Variants in AP3D1 observed in about 807,000 individuals in gnomAD.
The protein encoded by AP3D1 is adaptor related protein complex 3 subunit delta 1.
A neutral mutation model predicts 147.6 loss-of-function variants in AP3D1; 51 were observed. The ratio of observed to expected loss-of-function variants is 0.35; its 90% CI spans 0.28 to 0.44. AP3D1 has a LOEUF of 0.44. AP3D1 is among the 20% of genes least tolerant of loss of function. The probability of loss-of-function intolerance (pLI) is 1.00; values close to 1 mark genes in which losing one functional copy is unlikely to be tolerated. For synonymous variants in AP3D1, 760 were observed against 663.0 expected (o/e 1.15, Z -2.25); for missense variants, 1,421 against 1,624.2 (o/e 0.87, Z 2.15).
At chr19:2,132,863 C>T (rs1475581231) in intron 4 of AP3D1, among the ~76,000 whole-genome samples, 1 of 152,134 alleles carries the variant, frequency 6.6e-6, no homozygotes, top group Non-Finnish European at 1.5e-5. Flanking sequence ...CTGAAACGCT[C>T]TGTGGGTGGG....
intron 25 of AP3D1, 103 bp downstream of exon 25, chr19:2,111,576 A>T (rs1420893933): frequency 7.0e-7 from 1 of 1,423,472 alleles, no homozygotes; most frequent in Non-Finnish European, 9.4e-7. Flanking sequence ...CTTCTTCTCG[A>T]ATCTGCTCAG....
At chr19:2,139,995 A>G (rs564352787) in intron 1 of AP3D1, among the ~76,000 whole-genome samples, 2 of 152,162 alleles carry the variant, frequency 1.3e-5, no homozygotes, top group East Asian at 1.9e-4. Context: ...CAGACACATA[A>G]TATTTTCCTC....
chr19:2,151,139 G>C, intron 1 of AP3D1, 100 bp downstream of exon 1: 2 of 1,184,324 alleles, frequency 1.7e-6, no homozygotes, highest in Non-Finnish European at 2.3e-6. Context: ...CTAAGACAGA[G>C]CCCGGGCGGG....
intron 1 of AP3D1, among the ~76,000 whole-genome samples, chr19:2,158,221 A>G (rs1200576643): frequency 6.6e-6 from 1 of 151,876 alleles, no homozygotes; most frequent in Non-Finnish European, 1.5e-5. Flanking sequence ...ACGCCCGGCT[A>G]ATTTTTTCGT....
chr19:2,139,941 G>T (rs796216784), intron 1 of AP3D1, among the ~76,000 whole-genome samples: 4 of 144,100 alleles, frequency 2.8e-5, no homozygotes, highest in African/African-American at 9.9e-5. Context: ...CCGGGCTGGG[G>T]AAGGAGACAC....
At chr19:2,138,126 G>C (rs570253629) in intron 2 of AP3D1, among the ~76,000 whole-genome samples, 2 of 152,164 alleles carry the variant, frequency 1.3e-5, no homozygotes, top group East Asian at 3.9e-4. Flanking sequence ...AAATAGTTAC[G>C]AGACGAGCAG....
intron 9 of AP3D1, among the ~76,000 whole-genome samples, chr19:2,125,349 CTT>C (rs1364400386): frequency 1.3e-5 from 2 of 152,116 alleles, no homozygotes; most frequent in Non-Finnish European, 2.9e-5. Flanking sequence ...AAGTTTCGCT[CTT>C]GTTGCCCAGG....
At chr19:2,145,015 T>C (rs1421077280) in intron 1 of AP3D1, among the ~76,000 whole-genome samples, 1 of 152,206 alleles carries the variant, frequency 6.6e-6, no homozygotes, top group Non-Finnish European at 1.5e-5. Flanking sequence ...CGTATTGTGC[T>C]GAATCACTGC....
chr19:2,115,735 G>C (rs1337265866), intron 18 of AP3D1, 122 bp from the exon 19 acceptor site: 1 of 1,083,498 alleles, frequency 9.2e-7, no homozygotes, highest in Non-Finnish European at 1.3e-6. Context: ...GGTCCTGCCA[G>C]AGCCCTGGGC....
In AP3D1 at chr19:2,163,641, C is replaced by G. The variant is rs553132077; in HGVS notation, c.-103+715G>C. On this transcript the variant is annotated intron_variant, in intron 1 of 14. Transcript: ENST00000643010. The stretch of plus-strand genomic sequence containing the variant: ...CGTGTGTGGGGAGGTGTCCGGCGTC[C>G]TCCTCCTGGGACGGGATTCGAACCC... 5.3e-5 allele frequency among the ~76,000 whole-genome samples: 8 copies of G among 152,236 alleles called. No individual in the cohort carries two copies. The East Asian group carries it at 9.6e-4, about 18-fold the overall frequency.
chr19:2,141,359 T>C (rs2144530487), intron 1 of AP3D1, among the ~76,000 whole-genome samples: 1 of 152,106 alleles, frequency 6.6e-6, no homozygotes, highest in South Asian at 2.1e-4. Flanking sequence ...GCGTATTTCC[T>C]TTATACACTA....
chr19:2,137,901 T>A, intron 2 of AP3D1, 94 bp from the exon 3 acceptor site: 1 of 1,143,982 alleles, frequency 8.7e-7, no homozygotes. Context: ...CAGCACACGG[T>A]GCTGGAACAG....
At chr19:2,158,685 C>A (rs1008121879) in intron 1 of AP3D1, among the ~76,000 whole-genome samples, 16 of 151,530 alleles carry the variant, frequency 1.1e-4, no homozygotes, top group Non-Finnish European at 2.2e-4. Flanking sequence ...CTTACTGCAA[C>A]CTCCGCCTCC....
At chr19:2,157,286 C>G (rs2019653484) in intron 1 of AP3D1, among the ~76,000 whole-genome samples, 4 of 150,834 alleles carry the variant, frequency 2.7e-5, no homozygotes, top group Admixed American at 2.6e-4. Flanking sequence ...ACTAAAAATA[C>G]AAAAAATTAG....
intron 31 of AP3D1, among the ~76,000 whole-genome samples, chr19:2,103,723 C>A (rs1307983574): frequency 3.3e-5 from 5 of 152,130 alleles, no homozygotes; most frequent in Admixed American, 6.5e-5. Flanking sequence ...GACCTGACCA[C>A]CCACGTCCTC....
intron 10 of AP3D1, 79 bp from the exon 11 acceptor site, chr19:2,123,485 C>G: frequency 6.7e-7 from 1 of 1,483,762 alleles, no homozygotes; most frequent in East Asian, 2.3e-5. Flanking sequence ...CAGATTCAAC[C>G]TCAACCTGGC....
At chr19:2,151,096 A>C (rs1315520298) in intron 1 of AP3D1, 143 bp downstream of exon 1, 17 of 723,288 alleles carry the variant, frequency 2.4e-5, no homozygotes, top group Non-Finnish European at 3.6e-5. Context: ...GGCCCAGGCC[A>C]GGCAGGGCCG....
chr19:2,153,682 A>C (rs1056014215), upstream of AP3D1, among the ~76,000 whole-genome samples: 5 of 152,154 alleles, frequency 3.3e-5, no homozygotes, highest in Non-Finnish European at 7.4e-5. Flanking sequence ...CTCAAAAAAA[A>C]AAAAAAAAGG....
At chr19:2,128,353 C>A (rs976765443) in intron 8 of AP3D1, among the ~76,000 whole-genome samples, 2 of 152,134 alleles carry the variant, frequency 1.3e-5, no homozygotes, top group African/African-American at 4.8e-5. Context: ...CCACTACAGG[C>A]TTCCAGTCTA....
Sources: allele counts gnomAD v4.1 joint callset (sites outside exome capture counted in the v4.1 genomes callset), GRCh38; gene constraint gnomAD v4.1.1; transcripts MANE v1.5; gene names NCBI Gene and HGNC (gene_info 2026-07-23, HGNC 2026-07-21).